TNKS: variants seen among roughly 807,000 people sequenced by gnomAD.
TNKS encodes tankyrase.
In TNKS, 72 loss-of-function variants were observed where a neutral mutation model predicts 135.8. The ratio of observed to expected loss-of-function variants is 0.53; its 90% CI spans 0.44 to 0.64. The LOEUF (loss-of-function observed/expected upper bound fraction) is 0.64, where lower values mean the gene tolerates loss of function less well. TNKS is among the 30% of genes least tolerant of loss of function. The pLI, the probability that TNKS is intolerant of heterozygous loss-of-function variation, is 0.00. For synonymous variants in TNKS, 849 were observed against 649.3 expected (o/e 1.31, Z -4.68); for missense variants, 1,769 against 1,674.0 (o/e 1.06, Z -0.99).
intron 1 of TNKS, among the ~76,000 whole-genome samples, chr8:9,572,024 G>C (rs561935342): frequency 6.6e-6 from 1 of 152,246 alleles, no homozygotes; most frequent in Non-Finnish European, 1.5e-5. Context: ...GTAATTATTT[G>C]TTAGGGTGAT....
chr8:9,656,287 G>C (rs1464181095), intron 3 of TNKS, among the ~76,000 whole-genome samples: 2 of 152,226 alleles, frequency 1.3e-5, no homozygotes, highest in East Asian at 3.8e-4. Flanking sequence ...AAGTGACAGG[G>C]AGAATGGAAC....
Position 9,676,031 on chromosome 8 carries a change from A to G in TNKS, c.995-3920A>G, listed in dbSNP as rs934090059. On this transcript the variant is annotated intron_variant, in intron 3 of 26. Transcript: ENST00000310430. ...ATTTTTTTTTTTTTTTTTTTTTTTG[A>G]GATAGAGTTTCTCTCTTGTTGCCCA... 1.0e-4 allele frequency among the ~76,000 whole-genome samples: 11 copies of G among 110,016 alleles called. No homozygotes were observed. In the South Asian group the frequency reaches 1.2e-3, roughly 12 times the overall value. The allele number at this position is 110,016 out of a possible 152,430, so 72.2% of individuals were successfully genotyped here.
intron 9 of TNKS, among the ~76,000 whole-genome samples, chr8:9,709,297 C>A (rs138669096): frequency 2.6e-5 from 4 of 152,260 alleles, no homozygotes; most frequent in African/African-American, 9.6e-5. Flanking sequence ...TCAAGCTACA[C>A]GGTGTTATGC....
At chr8:9,641,479 CAAT>C in intron 3 of TNKS, among the ~76,000 whole-genome samples, 1 of 144,852 alleles carries the variant, frequency 6.9e-6, no homozygotes, top group South Asian at 2.2e-4. Context: ...TAATAAGAGT[CAAT>C]AAAAATACTT....
At chr8:9,559,801 T>C (rs1797253774) in intron 1 of TNKS, among the ~76,000 whole-genome samples, 1 of 152,230 alleles carries the variant, frequency 6.6e-6, no homozygotes, top group Admixed American at 6.5e-5. Flanking sequence ...ATCATATTCT[T>C]TCCAGCAGTA....
intron 1 of TNKS, among the ~76,000 whole-genome samples, chr8:9,569,211 C>T (rs1012005396): frequency 2.6e-5 from 4 of 152,140 alleles, no homozygotes; most frequent in African/African-American, 9.7e-5. Flanking sequence ...TCTAATAATT[C>T]CTGTCATCAC....
intron 5 of TNKS, among the ~76,000 whole-genome samples, chr8:9,702,743 C>T (rs186539981): frequency 3.9e-5 from 6 of 152,234 alleles, no homozygotes; most frequent in Admixed American, 3.9e-4. Flanking sequence ...TAAAAAAGCA[C>T]AGTGGCTCAC....
chr8:9,590,596 C>T (rs752503475), intron 2 of TNKS, among the ~76,000 whole-genome samples: 3 of 152,200 alleles, frequency 2.0e-5, no homozygotes, highest in Non-Finnish European at 2.9e-5. Flanking sequence ...AAGCTCTGTG[C>T]TTGCTCCGAG....
At chr8:9,622,325 A>G (rs1275887336) in intron 3 of TNKS, among the ~76,000 whole-genome samples, 2 of 152,252 alleles carry the variant, frequency 1.3e-5, no homozygotes, top group African/African-American at 2.4e-5. Flanking sequence ...TGCAGCAAGC[A>G]AACAACTTAG....
chr8:9,762,232 C>CTAT (rs571392293), intron 21 of TNKS, among the ~76,000 whole-genome samples: 117 of 152,252 alleles, frequency 7.7e-4, no homozygotes, highest in African/African-American at 2.6e-3. Context: ...ACCCATTTCT[C>CTAT]TATTTGTTAG....
At chr8:9,605,531 CAGTAGTGTATATTT>C (rs1391579015) in intron 2 of TNKS, among the ~76,000 whole-genome samples, 1 of 151,960 alleles carries the variant, frequency 6.6e-6, no homozygotes, top group Non-Finnish European at 1.5e-5. Flanking sequence ...CTAGGACATA[CAGTAGTGTATATTT>C]AGCTATATAA....
chr8:9,767,802 A>ACAAAAAATTAGC (rs1807549564), intron 25 of TNKS, among the ~76,000 whole-genome samples: 2 of 152,030 alleles, frequency 1.3e-5, no homozygotes, highest in African/African-American at 4.8e-5. Context: ...TACTAAAAAT[A>ACAAAAAATTAGC]CAAAAAATTA....
chr8:9,655,587 T>C (rs1801325774), intron 3 of TNKS, among the ~76,000 whole-genome samples: 1 of 152,152 alleles, frequency 6.6e-6, no homozygotes, highest in Non-Finnish European at 1.5e-5. Flanking sequence ...GGTTCACCAA[T>C]ATCCGCTGTT....
intron 2 of TNKS, among the ~76,000 whole-genome samples, chr8:9,605,146 A>C (rs997905277): frequency 1.3e-5 from 2 of 152,056 alleles, no homozygotes; most frequent in Non-Finnish European, 2.9e-5. Flanking sequence ...TGTTTACTCC[A>C]AAAAGTTGTC....
chr8:9,592,509 C>T (rs1399952541), intron 2 of TNKS, among the ~76,000 whole-genome samples: 2 of 152,164 alleles, frequency 1.3e-5, no homozygotes, highest in Admixed American at 6.5e-5. Flanking sequence ...GAGTAGTTCT[C>T]TGTGCACTGA....
chr8:9,630,537 C>G (rs1406163180), intron 3 of TNKS, among the ~76,000 whole-genome samples: 1 of 152,122 alleles, frequency 6.6e-6, no homozygotes, highest in African/African-American at 2.4e-5. Flanking sequence ...ACTTACTCTT[C>G]AAATAATTAG....
intron 3 of TNKS, among the ~76,000 whole-genome samples, chr8:9,618,727 T>G (rs969366260): frequency 7.9e-5 from 12 of 152,204 alleles, no homozygotes; most frequent in African/African-American, 2.2e-4. Context: ...TACATTCATT[T>G]GGAAATTGAG....
intron 3 of TNKS, among the ~76,000 whole-genome samples, chr8:9,660,845 T>C (rs200424821): frequency 1.8e-4 from 27 of 152,080 alleles, no homozygotes; most frequent in Admixed American, 6.6e-5. Context: ...ACCCCATCGT[T>C]TCAGCCCAAA....
intron 20 of TNKS, among the ~76,000 whole-genome samples, chr8:9,753,045 C>G (rs1368425437): frequency 6.6e-6 from 1 of 152,006 alleles, no homozygotes; most frequent in Non-Finnish European, 1.5e-5. Flanking sequence ...TTCTTAAACC[C>G]ACAACACATT....
Sources: allele counts gnomAD v4.1 joint callset (sites outside exome capture counted in the v4.1 genomes callset), GRCh38; gene constraint gnomAD v4.1.1; transcripts MANE v1.5; gene names NCBI Gene and HGNC (gene_info 2026-07-23, HGNC 2026-07-21).